Variants in CDC42SE2 observed in about 807,000 individuals in gnomAD.
CDC42SE2 encodes CDC42 small effector protein 2.
A neutral mutation model predicts 11.5 loss-of-function variants in CDC42SE2; 3 were observed. The ratio of observed to expected loss-of-function variants is 0.26; its 90% CI spans 0.12 to 0.67. The LOEUF is 0.67. Ranked by LOEUF, CDC42SE2 falls within the 30% of genes least tolerant of loss-of-function variation. The probability of loss-of-function intolerance (pLI) is 0.80; values close to 1 mark genes in which losing one functional copy is unlikely to be tolerated. For missense variants in CDC42SE2, 82 were observed against 106.8 expected, an observed-to-expected ratio of 0.77 and a Z score of 1.02; for synonymous variants, 33 against 34.8, an observed-to-expected ratio of 0.95 and a Z score of 0.18.
upstream of CDC42SE2, among the ~76,000 whole-genome samples, chr5:131,243,662 T>C (rs1756557754): frequency 1.3e-5 from 2 of 152,256 alleles, no homozygotes. Flanking sequence ...ACAAATTATG[T>C]AGCCAATCCT....
chr5:131,301,160 T>A (rs1757670699), intron 1 of CDC42SE2, among the ~76,000 whole-genome samples: 1 of 152,194 alleles, frequency 6.6e-6, no homozygotes, highest in Non-Finnish European at 1.5e-5. Context: ...ATATGTGTTT[T>A]AAAATGTCCT....
intron 1 of CDC42SE2, among the ~76,000 whole-genome samples, chr5:131,264,556 G>A (rs1331254204): frequency 1.3e-5 from 2 of 151,452 alleles, no homozygotes. Flanking sequence ...GGCGGGCGGG[G>A]AGGGCCCGGG....
intron 1 of CDC42SE2, among the ~76,000 whole-genome samples, chr5:131,277,030 G>A (rs185342614): frequency 3.0e-3 from 458 of 152,196 alleles, no homozygotes; most frequent in Middle Eastern, 0.01. Flanking sequence ...GTGAGCCACC[G>A]CACTTGGCGA....
rs566591161 is a variant in CDC42SE2, at chr5:131,275,904, T to C, written c.-455+11738T>C. 2.2e-4 allele frequency among the ~76,000 whole-genome samples: 33 copies of C among 152,184 alleles called. No individual in the cohort carries two copies. In the South Asian group the frequency reaches 6.2e-3, roughly 29 times the overall value. On this transcript the variant is annotated intron_variant, in intron 1 of 4. Coordinates refer to ENST00000505065, the MANE Select transcript of CDC42SE2 (RefSeq NM_001375635.1). ...CAAAAAAAAAAGCGTATATTTATTATATTTCCATGGTAAACTAGCAGCTAC... is the reference window on the plus strand; with the variant it reads ...CAAAAAAAAAAGCGTATATTTATTACATTTCCATGGTAAACTAGCAGCTAC...
the CDC42SE2 span, among the ~76,000 whole-genome samples, chr5:131,222,882 C>A: frequency 3.3e-5 from 5 of 152,246 alleles, no homozygotes; most frequent in African/African-American, 4.8e-5. Flanking sequence ...CTTACTCCAG[C>A]CTTTGCTTCT....
chr5:131,244,635 C>T (rs550173529), upstream of CDC42SE2, among the ~76,000 whole-genome samples: 1 of 152,156 alleles, frequency 6.6e-6, no homozygotes, highest in South Asian at 2.1e-4. Flanking sequence ...CGCTTGAACC[C>T]GGGAGGCAGA....
chr5:131,320,868 G>C (rs897168352), intron 2 of CDC42SE2, among the ~76,000 whole-genome samples: 5 of 152,192 alleles, frequency 3.3e-5, no homozygotes, highest in African/African-American at 1.2e-4. Context: ...GCACGTATCG[G>C]ATCAGTGGAG....
chr5:131,222,094 G>A, the CDC42SE2 span, among the ~76,000 whole-genome samples: 1 of 152,218 alleles, frequency 6.6e-6, no homozygotes, highest in Non-Finnish European at 1.5e-5. Flanking sequence ...ATGCTCACAT[G>A]GGTGAGTGTT....
the CDC42SE2 span, among the ~76,000 whole-genome samples, chr5:131,225,429 G>T: frequency 8.5e-5 from 13 of 152,296 alleles, no homozygotes; most frequent in African/African-American, 3.1e-4. Context: ...GCAAGGTCAA[G>T]ATTTCTGAAA....
At chr5:131,220,491 C>T in the CDC42SE2 span, among the ~76,000 whole-genome samples, 1 of 152,294 alleles carries the variant, frequency 6.6e-6, no homozygotes, top group South Asian at 2.1e-4. Context: ...AGGCATGAGC[C>T]AGCGCTCCTG....
At chr5:131,212,210 C>T in the CDC42SE2 span, among the ~76,000 whole-genome samples, 1 of 151,876 alleles carries the variant, frequency 6.6e-6, no homozygotes, top group Non-Finnish European at 1.5e-5. Flanking sequence ...TGGGTTCAAG[C>T]GATTCTCCTG....
chr5:131,248,533 A>C (rs540626482), intron 1 of CDC42SE2, among the ~76,000 whole-genome samples: 5 of 152,294 alleles, frequency 3.3e-5, no homozygotes, highest in East Asian at 1.9e-4. Context: ...CAGAGGCATA[A>C]GGATTGGCAA....
At chr5:131,335,986 T>TA (rs1384998063) in intron 2 of CDC42SE2, among the ~76,000 whole-genome samples, 5 of 152,230 alleles carry the variant, frequency 3.3e-5, no homozygotes, top group Non-Finnish European at 1.5e-5. Flanking sequence ...TTAGTATTGT[T>TA]ACGTGTGAGT....
intron 2 of CDC42SE2, among the ~76,000 whole-genome samples, chr5:131,348,224 A>T (rs972985168): frequency 5.3e-5 from 8 of 152,218 alleles, no homozygotes; most frequent in African/African-American, 1.9e-4. Flanking sequence ...TGCAGATGAC[A>T]TGATTGTATA....
intron 2 of CDC42SE2, among the ~76,000 whole-genome samples, chr5:131,328,328 C>A (rs1758340631): frequency 6.6e-6 from 1 of 151,708 alleles, no homozygotes; most frequent in Non-Finnish European, 1.5e-5. Flanking sequence ...CTTTTTTTTC[C>A]AGCCTTTGAG....
chr5:131,250,689 A>G (rs1388823184), intron 1 of CDC42SE2, among the ~76,000 whole-genome samples: 1 of 152,210 alleles, frequency 6.6e-6, no homozygotes. Flanking sequence ...CAAAACCCAC[A>G]AAACATATAA....
chr5:131,353,312 T>G (rs1749408093), intron 2 of CDC42SE2, among the ~76,000 whole-genome samples: 1 of 151,450 alleles, frequency 6.6e-6, no homozygotes, highest in Non-Finnish European at 1.5e-5. Context: ...GACACGGTCT[T>G]GTTCTGTTGC....
rs1750701688 is a variant in CDC42SE2 at position 131,392,765 on chromosome 5, T to G, written c.*1674T>G. On this transcript the variant is annotated 3_prime_UTR_variant, in exon 5 of 5. Coordinates refer to ENST00000505065, the MANE Select transcript of CDC42SE2 (RefSeq NM_001375635.1). ...GTGCACTCATTCTTTTATTTTTACT[T>G]CTTTTTAATGTTATGGTATCCAGTT... The G allele has an allele frequency of 6.6e-6, 1 of 152,382 alleles. No individual in the cohort carries two copies. The highest frequency in any genetic ancestry group is 2.1e-4 in the South Asian group (1 of 4,834). 9.4% of individuals were successfully genotyped at this position (152,382 alleles called of 1,614,324 possible).
chr5:131,375,335 C>T (rs1242163242), intron 3 of CDC42SE2, among the ~76,000 whole-genome samples: 2 of 148,504 alleles, frequency 1.3e-5, no homozygotes, highest in Non-Finnish European at 3.0e-5. Flanking sequence ...CCTACTAAAC[C>T]CTAAAGGACA....
Sources: gnomAD v4.1 joint callset for allele counts (sites outside exome capture counted in the v4.1 genomes callset) on GRCh38, gnomAD v4.1.1 for gene constraint, MANE v1.5 for transcripts, NCBI Gene and HGNC (gene_info 2026-07-23, HGNC 2026-07-21) for gene names.